The following SLC4A4 variants were observed in gnomAD, a reference collection of about 807,000 sequenced individuals.
The protein encoded by SLC4A4 is electrogenic sodium bicarbonate cotransporter 1.
SLC4A4 carries 27 observed loss-of-function variants against 111.5 expected under a neutral mutation model. That is an observed-to-expected ratio of 0.24 (90% CI 0.18 to 0.33). The LOEUF is 0.33. Ranked by LOEUF, SLC4A4 falls within the 10% of genes least tolerant of loss-of-function variation. The pLI, the probability that SLC4A4 is intolerant of heterozygous loss-of-function variation, is 1.00. For synonymous variants in SLC4A4, 443 were observed against 463.4 expected (o/e 0.96, Z 0.57); for missense variants, 909 against 1,315.5 (o/e 0.69, Z 4.78).
chr4:71,127,983 G>A (rs1455015129), intron 2 of SLC4A4, among the ~76,000 whole-genome samples: 1 of 152,194 alleles, frequency 6.6e-6, no homozygotes, highest in African/African-American at 2.4e-5. Flanking sequence ...AGCTACTTGA[G>A]GCTGATGTGG....
chr4:71,304,263 CAAGCTTG>C (rs1369791541), intron 3 of SLC4A4, among the ~76,000 whole-genome samples: 1 of 152,144 alleles, frequency 6.6e-6, no homozygotes, highest in African/African-American at 2.4e-5. Context: ...CTGCTGTCTG[CAAGCTTG>C]AGACCAGGGA....
At chr4:71,376,501 C>T (rs979429496) in intron 6 of SLC4A4, among the ~76,000 whole-genome samples, 26 of 150,848 alleles carry the variant, frequency 1.7e-4, no homozygotes, top group Admixed American at 1.2e-3. Flanking sequence ...CTGCATCTGG[C>T]CTCCTAAAAT....
chr4:71,178,247 C>T (rs1043336272), intron 2 of SLC4A4, among the ~76,000 whole-genome samples: 2 of 151,674 alleles, frequency 1.3e-5, no homozygotes, highest in Non-Finnish European at 2.9e-5. Flanking sequence ...AAAATTGACA[C>T]CCTAATGTGC....
intron 7 of SLC4A4, among the ~76,000 whole-genome samples, chr4:71,417,437 T>G (rs1361633739): frequency 6.6e-6 from 1 of 152,092 alleles, no homozygotes; most frequent in Non-Finnish European, 1.5e-5. Context: ...GATGAATGAG[T>G]ATTTCAAGTC....
intron 3 of SLC4A4, among the ~76,000 whole-genome samples, chr4:71,268,710 T>C (rs893832882): frequency 3.9e-5 from 6 of 152,198 alleles, no homozygotes; most frequent in African/African-American, 1.4e-4. Flanking sequence ...AATAAAATGT[T>C]TCTCAGAGCA....
At chr4:71,123,544 G>A (rs974648021) in intron 2 of SLC4A4, among the ~76,000 whole-genome samples, 35 of 152,152 alleles carry the variant, frequency 2.3e-4, no homozygotes, top group African/African-American at 7.9e-4. Flanking sequence ...GGGAAGAAGA[G>A]CTTTTATTAA....
Position 71,211,790 on chromosome 4 carries a change from T to TTG in SLC4A4, c.-2+24396_-2+24397dup, listed in dbSNP as rs1718146869. ...TTATCTGTTTTTTTTTTTTTTTTTTTTGTGTGTGAACAGCTTATAATGCTT... is the reference window on the plus strand; with the variant it reads ...TTATCTGTTTTTTTTTTTTTTTTTTTTGTGTGTGTGAACAGCTTATAATGCTT... On this transcript the variant is annotated intron_variant, in intron 1 of 25. Transcript: ENST00000264485. Among the ~76,000 whole-genome samples the TTG allele has an allele frequency of 3.5e-5, 5 of 141,046 alleles. 1 individual carries two copies. The highest frequency in any genetic ancestry group is 7.1e-5 in the Admixed American group (1 of 14,074). 92.5% of individuals were successfully genotyped at this position (141,046 alleles called of 152,430 possible). A position where few individuals can be genotyped will look rare whatever the true frequency, so the allele number is the denominator to read the frequency against.
intron 15 of SLC4A4, among the ~76,000 whole-genome samples, chr4:71,493,526 T>C (rs1164009042): frequency 2.6e-5 from 4 of 151,912 alleles, no homozygotes; most frequent in Non-Finnish European, 4.4e-5. Flanking sequence ...GCTCTTTTCT[T>C]TTTTTTTCCT....
intron 1 of SLC4A4, among the ~76,000 whole-genome samples, chr4:71,222,938 C>T (rs1718833902): frequency 1.3e-5 from 2 of 152,118 alleles, no homozygotes; most frequent in Non-Finnish European, 2.9e-5. Flanking sequence ...CTTTGGTGGA[C>T]AACCATGTGG....
In SLC4A4 at chr4:71,117,222, C is replaced by T. The variant is rs895305042; in HGVS notation, c.-2+24430C>T. 5.9e-5 allele frequency among the ~76,000 whole-genome samples: 9 copies of T among 152,192 alleles called. No homozygotes were observed. In the South Asian group the frequency reaches 6.2e-4, roughly 11 times the overall value. On this transcript the variant is annotated intron_variant, in intron 2 of 26. Coordinates refer to the SLC4A4 transcript ENST00000649996. ...ATCTCGAAATCCAGGCTGAAGCAATCCTCTTGCCTTGGCCTCCTAAAGTGC... is the reference window on the plus strand; with the variant it reads ...ATCTCGAAATCCAGGCTGAAGCAATTCTCTTGCCTTGGCCTCCTAAAGTGC...
At chr4:71,326,059 G>A (rs942907608) in intron 3 of SLC4A4, among the ~76,000 whole-genome samples, 2 of 151,724 alleles carry the variant, frequency 1.3e-5, no homozygotes, top group Admixed American at 1.3e-4. Context: ...TAATAAGAAT[G>A]CACTACCTTA....
At chr4:71,079,957 A>G (rs1282556517) in intron 1 of SLC4A4, among the ~76,000 whole-genome samples, 1 of 152,014 alleles carries the variant, frequency 6.6e-6, no homozygotes. Context: ...CCCACAACAG[A>G]GAAATGCGGG....
intron 3 of SLC4A4, among the ~76,000 whole-genome samples, chr4:71,268,580 C>A (rs1476789195): frequency 6.6e-6 from 1 of 152,154 alleles, no homozygotes; most frequent in Non-Finnish European, 1.5e-5. Flanking sequence ...AATTTTGAAA[C>A]CTTTATTACT....
intron 3 of SLC4A4, among the ~76,000 whole-genome samples, chr4:71,297,585 CT>C (rs112132682): frequency 0.12 from 13,787 of 115,004 alleles, 1,329 homozygotes; most frequent in African/African-American, 0.3. Flanking sequence ...ATTGGTGAAT[CT>C]TTTTTTTTTT....
chr4:71,405,217 A>G (rs1720737193), intron 7 of SLC4A4, among the ~76,000 whole-genome samples: 1 of 152,172 alleles, frequency 6.6e-6, no homozygotes, highest in Non-Finnish European at 1.5e-5. Context: ...ATGCTGTAAA[A>G]TTTAAACAAA....
chr4:71,486,409 A>G (rs1460640186), intron 14 of SLC4A4, among the ~76,000 whole-genome samples: 1 of 151,568 alleles, frequency 6.6e-6, no homozygotes, highest in Non-Finnish European at 1.5e-5. Flanking sequence ...TTTTAAAATT[A>G]GATTAAATGT....
At chr4:71,276,190 TGA>T (rs906800966) in intron 3 of SLC4A4, among the ~76,000 whole-genome samples, 3 of 152,220 alleles carry the variant, frequency 2.0e-5, no homozygotes, top group African/African-American at 7.2e-5. Context: ...TAGGAAGTTG[TGA>T]GAGATAGTAC....
At chr4:71,357,259 CT>C in intron 6 of SLC4A4, 72 bp downstream of exon 6, 1 of 1,464,304 alleles carries the variant, frequency 6.8e-7, no homozygotes. Flanking sequence ...CTCCTGTCAT[CT>C]TTGTTTTAAC....
intron 2 of SLC4A4, among the ~76,000 whole-genome samples, chr4:71,245,947 A>C (rs927937386): frequency 1.3e-5 from 2 of 152,160 alleles, no homozygotes; most frequent in Admixed American, 6.5e-5. Flanking sequence ...GACAGTGCTG[A>C]ATGCTGCCTT....
Sources: allele counts gnomAD v4.1 joint callset (sites outside exome capture counted in the v4.1 genomes callset), GRCh38; gene constraint gnomAD v4.1.1; transcripts MANE v1.5; gene names NCBI Gene and HGNC (gene_info 2026-07-23, HGNC 2026-07-21).